SYT14: variants seen among roughly 807,000 people sequenced by gnomAD.
The protein encoded by SYT14 is synaptotagmin-14.
A neutral mutation model predicts 74.2 loss-of-function variants in SYT14; 32 were observed. The observed-to-expected ratio is 0.43, with a 90% confidence interval of 0.33 to 0.58. SYT14 has a LOEUF of 0.58. SYT14 is among the 20% of genes least tolerant of loss of function. The pLI is 0.05. For synonymous variants in SYT14, 298 were observed against 337.7 expected (o/e 0.88, Z 1.29); for missense variants, 791 against 981.8 (o/e 0.81, Z 2.60).
chr1:210,093,276 A>G (rs566877726), intron 5 of SYT14, among the ~76,000 whole-genome samples: 2 of 152,300 alleles, frequency 1.3e-5, no homozygotes, highest in South Asian at 4.2e-4. Context: ...GAACTATTGA[A>G]TATTTGAACT....
intron 4 of SYT14, among the ~76,000 whole-genome samples, chr1:210,020,794 G>A (rs1328121438): frequency 6.6e-6 from 1 of 151,764 alleles, no homozygotes; most frequent in Non-Finnish European, 1.5e-5. Context: ...CCAAAGCTTG[G>A]GCTTCTTATG....
chr1:210,084,374 A>G (rs1022656017), intron 5 of SYT14, among the ~76,000 whole-genome samples: 2 of 152,210 alleles, frequency 1.3e-5, no homozygotes, highest in Admixed American at 6.5e-5. Context: ...TATTCTTATC[A>G]TATCCCTGGA....
intron 6 of SYT14, among the ~76,000 whole-genome samples, chr1:210,097,607 A>G (rs2081989652): frequency 6.6e-6 from 1 of 152,170 alleles, no homozygotes; most frequent in Non-Finnish European, 1.5e-5. Flanking sequence ...TTGCCTGAAA[A>G]TCTTAGCTGT....
At chr1:210,076,352 A>G (rs1280906503) in intron 5 of SYT14, among the ~76,000 whole-genome samples, 2 of 152,208 alleles carry the variant, frequency 1.3e-5, no homozygotes, top group Admixed American at 6.5e-5. Context: ...ATAATTCAAG[A>G]GTTTTACAAC....
intron 1 of SYT14, among the ~76,000 whole-genome samples, chr1:209,942,336 C>T (rs2078746551): frequency 7.0e-6 from 1 of 143,838 alleles, no homozygotes; most frequent in South Asian, 2.2e-4. Flanking sequence ...TCACAGCCAC[C>T]AAATCCAGCC....
Position 210,086,152 on chromosome 1 carries a change from A to G in SYT14, c.1313-8170A>G, listed in dbSNP as rs112243194. 2.9e-3 allele frequency among the ~76,000 whole-genome samples: 444 copies of G among 152,282 alleles called. 4 individuals carry two copies. Among genetic ancestry groups the G allele is most frequent in the African/African-American group, 0.01 (424 of 41,564 alleles). ...AGAGGTATCCTATCTGTTTTATTAGAGATATTCCTCACTGCATTTTATCAG... is the reference window on the plus strand; with the variant it reads ...AGAGGTATCCTATCTGTTTTATTAGGGATATTCCTCACTGCATTTTATCAG... On this transcript the variant is annotated intron_variant, in intron 5 of 9. Transcript: ENST00000637265.
chr1:210,022,870 C>T (rs1208817247), intron 5 of SYT14, among the ~76,000 whole-genome samples: 2 of 152,010 alleles, frequency 1.3e-5, no homozygotes, highest in Admixed American at 1.3e-4. Flanking sequence ...CTCACCCCAA[C>T]TCCCCTCTGC....
intron 5 of SYT14, among the ~76,000 whole-genome samples, chr1:210,072,792 A>C (rs1052213713): frequency 3.9e-5 from 6 of 151,976 alleles, no homozygotes; most frequent in Admixed American, 1.3e-4. Context: ...TTTTGTTTTA[A>C]AATGCAAATG....
chr1:209,980,990 A>G (rs1487010195), intron 2 of SYT14, among the ~76,000 whole-genome samples: 4 of 152,296 alleles, frequency 2.6e-5, no homozygotes. Flanking sequence ...AAACAATGTC[A>G]GTGTTAGTTT....
chr1:210,028,555 T>C (rs1343164041), intron 5 of SYT14, among the ~76,000 whole-genome samples: 1 of 152,188 alleles, frequency 6.6e-6, no homozygotes, highest in Non-Finnish European at 1.5e-5. Context: ...TTATTTCACT[T>C]AGCATAATGT....
intron 7 of SYT14, among the ~76,000 whole-genome samples, chr1:210,105,972 A>G (rs1342880425): frequency 1.3e-5 from 2 of 152,216 alleles, no homozygotes; most frequent in South Asian, 2.1e-4. Context: ...CCATGCTTGT[A>G]CAGCCTGCAG....
intron 2 of SYT14, among the ~76,000 whole-genome samples, chr1:210,000,269 G>T (rs1282671522): frequency 6.6e-6 from 1 of 152,050 alleles, no homozygotes; most frequent in Non-Finnish European, 1.5e-5. Flanking sequence ...TGTGAATTTG[G>T]ACAAATTCTT....
chr1:210,118,829 TTGAG>T (rs2082406210), intron 7 of SYT14, among the ~76,000 whole-genome samples: 1 of 152,108 alleles, frequency 6.6e-6, no homozygotes, highest in Non-Finnish European at 1.5e-5. Context: ...AACAGTAACA[TTGAG>T]TGAGGTTGTT....
At chr1:209,969,742 G>A (rs185709835) in intron 2 of SYT14, among the ~76,000 whole-genome samples, 30 of 152,156 alleles carry the variant, frequency 2.0e-4, no homozygotes, top group Admixed American at 8.5e-4. Flanking sequence ...GCCTCCCAAA[G>A]TACTGGGATT....
At chr1:210,112,476 T>G (rs2082281987) in intron 7 of SYT14, among the ~76,000 whole-genome samples, 1 of 151,428 alleles carries the variant, frequency 6.6e-6, no homozygotes, top group African/African-American at 2.5e-5. Flanking sequence ...AGGAGATACT[T>G]TCCTTGGTCC....
rs1156688430 is a variant in SYT14 at position 210,159,406 on chromosome 1, AC to A, written c.2225-10del. On this transcript the variant is annotated splice_polypyrimidine_tract_variant and intron_variant, in intron 8 of 9. Coordinates refer to ENST00000637265, the Ensembl canonical transcript of SYT14. The stretch of plus-strand genomic sequence containing the variant: ...GTCATTATTTCTTTTACTGCTTTCC[AC>A]CCCCTGTTGTCAGATGGACTGTTCT... The A allele has an allele frequency of 1.9e-6, 3 of 1,550,990 alleles. No homozygotes were observed. The highest frequency in any genetic ancestry group is 1.7e-6 in the Non-Finnish European group (2 of 1,146,606).
At chr1:210,095,050 T>C (rs550652725) in intron 6 of SYT14, among the ~76,000 whole-genome samples, 1 of 152,298 alleles carries the variant, frequency 6.6e-6, no homozygotes, top group East Asian at 1.9e-4. Flanking sequence ...ACTAATGAAA[T>C]TTGAATCCAT....
chr1:210,050,907 A>C (rs1288725708), intron 5 of SYT14, among the ~76,000 whole-genome samples: 1 of 152,218 alleles, frequency 6.6e-6, no homozygotes, highest in East Asian at 1.9e-4. Flanking sequence ...GACACAGCCA[A>C]ACCATATCAG....
At chr1:210,163,659 A>G (rs772435174) in exon 10 of SYT14, 12 of 453,660 alleles carry the variant, frequency 2.6e-5, no homozygotes, top group South Asian at 1.9e-4. Flanking sequence ...CACACACAGC[A>G]AAATATACAT....
Sources: allele counts gnomAD v4.1 joint callset (sites outside exome capture counted in the v4.1 genomes callset), GRCh38; gene constraint gnomAD v4.1.1; transcripts MANE v1.5; gene names NCBI Gene and HGNC (gene_info 2026-07-23, HGNC 2026-07-21).